The following TLL1 variants were observed in gnomAD, a reference collection of about 807,000 sequenced individuals.
TLL1 encodes the protein tolloid like 1.
TLL1 carries 49 observed loss-of-function variants against 128.2 expected under a neutral mutation model. The observed-to-expected ratio is 0.38, with a 90% CI of 0.30 to 0.48. The LOEUF (loss-of-function observed/expected upper bound fraction) is 0.48, where lower values mean the gene tolerates loss of function less well. TLL1 is among the 20% of genes least tolerant of loss of function. The pLI, the probability that TLL1 is intolerant of heterozygous loss-of-function variation, is 0.96. For missense variants in TLL1, 1,123 were observed against 1,242.0 expected (o/e 0.90, Z 1.44); for synonymous variants, 454 against 418.8 (o/e 1.08, Z -1.03).
At chr4:165,999,718 C>A (rs1368473907) in intron 5 of TLL1, among the ~76,000 whole-genome samples, 3 of 151,876 alleles carry the variant, frequency 2.0e-5, no homozygotes, top group African/African-American at 4.8e-5. Context: ...AAGTGATCCA[C>A]CTGCCTCAGC....
chr4:166,030,820 A>G, intron 9 of TLL1: 1 of 1,027,704 alleles, frequency 9.7e-7, no homozygotes, highest in Non-Finnish European at 1.2e-6. Context: ...CTTACATTAT[A>G]GATTATTTTT....
intron 1 of TLL1, among the ~76,000 whole-genome samples, chr4:165,959,928 G>A (rs1363008003): frequency 1.3e-5 from 2 of 151,962 alleles, no homozygotes; most frequent in Middle Eastern, 3.4e-3. Context: ...CACACCAAAG[G>A]AACTAAAGAA....
At chr4:166,029,549 AT>A (rs1738660286) in intron 9 of TLL1, among the ~76,000 whole-genome samples, 1 of 152,050 alleles carries the variant, frequency 6.6e-6, no homozygotes, top group Admixed American at 6.6e-5. Context: ...CATCTTAACC[AT>A]TTTTAGGTGT....
rs540555825 is a variant in TLL1 at position 165,907,794 on chromosome 4, C to T, written c.169+33721C>T. Among the ~76,000 whole-genome samples, 8 of 152,256 alleles carry T rather than the reference C, an allele frequency of 5.3e-5. No individual in the cohort carries two copies. The South Asian group carries it at 1.2e-3, about 24-fold the overall frequency. On this transcript the variant is annotated intron_variant, in intron 1 of 20. Transcript: ENST00000061240. ...AACTCCTGACCTCAAGTGATCCACC[C>T]GCCTTGGCCTCCCAAAGTGCTGGGA... is the stretch of plus-strand genomic sequence containing the variant.
At chr4:165,986,481 G>T (rs1174879661) in intron 1 of TLL1, among the ~76,000 whole-genome samples, 1 of 151,954 alleles carries the variant, frequency 6.6e-6, no homozygotes, top group Admixed American at 6.6e-5. Flanking sequence ...GGGCTACAGT[G>T]TGTCAAGTCT....
At chr4:165,911,961 T>C (rs1732552589) in intron 1 of TLL1, among the ~76,000 whole-genome samples, 2 of 152,202 alleles carry the variant, frequency 1.3e-5, no homozygotes. Context: ...CTGCAAGCTC[T>C]GCCTCCCGGG....
chr4:165,892,873 GT>G (rs1468130947), intron 1 of TLL1, among the ~76,000 whole-genome samples: 4 of 151,970 alleles, frequency 2.6e-5, no homozygotes, highest in South Asian at 2.1e-4. Context: ...TGGTTACAGA[GT>G]TTTTTTTCTG....
At chr4:165,935,683 G>A (rs545195769) in intron 1 of TLL1, among the ~76,000 whole-genome samples, 1 of 152,246 alleles carries the variant, frequency 6.6e-6, no homozygotes, top group South Asian at 2.1e-4. Flanking sequence ...CTTTATGGAT[G>A]TATCAGCTAA....
Position 165,933,698 on chromosome 4 carries a change from A to C in TLL1, c.170-55683A>C, listed in dbSNP as rs540338750. Among the ~76,000 whole-genome samples the C allele has an allele frequency of 4.5e-4, 69 of 152,232 alleles. 1 individual carries two copies. The highest frequency in any genetic ancestry group is 1.6e-3 in the African/African-American group (67 of 41,540). On this transcript the variant is annotated intron_variant, in intron 1 of 20. Coordinates refer to ENST00000061240, the MANE Select transcript of TLL1 (RefSeq NM_012464.5). Reference sequence around the variant, plus strand: ...TGGATGGCTTCTTACCTAGAATAGCAGCCCTGTCTTTTTATTCTGACAGGA... The same window carrying C: ...TGGATGGCTTCTTACCTAGAATAGCCGCCCTGTCTTTTTATTCTGACAGGA...
At chr4:165,988,650 T>A (rs1736495356) in intron 1 of TLL1, among the ~76,000 whole-genome samples, 1 of 151,672 alleles carries the variant, frequency 6.6e-6, no homozygotes, top group Non-Finnish European at 1.5e-5. Flanking sequence ...ATAAAAATAA[T>A]AATAATAGAG....
At chr4:166,057,131 A>G in intron 13 of TLL1, 53 bp from the exon 14 acceptor site, 1 of 1,607,368 alleles carries the variant, frequency 6.2e-7, no homozygotes, top group African/African-American at 1.3e-5. Context: ...CATTTCACAT[A>G]CATACACACA....
At chr4:166,048,236 C>CG (rs1553964607) in intron 12 of TLL1, among the ~76,000 whole-genome samples, 2 of 105,056 alleles carry the variant, frequency 1.9e-5, no homozygotes, top group Non-Finnish European at 3.6e-5. Flanking sequence ...AATTCCGTCT[C>CG]GGAAAAAAAA....
Position 166,037,203 on chromosome 4 carries a change from CAAAGTT to C in TLL1, c.1159-2131_1159-2126del, listed in dbSNP as rs138298064. ...ATGTGGAGCAGACTTAAAGTAAACA[CAAAGTT>C]AAAGGGAAAAACCAGGTATTATTTC... On this transcript the variant is annotated intron_variant, in intron 9 of 20. Coordinates refer to ENST00000061240, the MANE Select transcript of TLL1 (RefSeq NM_012464.5). Among the ~76,000 whole-genome samples the C allele has an allele frequency of 1.1e-3, 169 of 152,158 alleles. 2 individuals are homozygous for C. The highest frequency in any genetic ancestry group is 4.0e-3 in the African/African-American group (164 of 41,512).
At chr4:166,076,236 C>T (rs757407990) in intron 17 of TLL1, among the ~76,000 whole-genome samples, 5 of 152,034 alleles carry the variant, frequency 3.3e-5, no homozygotes, top group Non-Finnish European at 5.9e-5. Context: ...CCATGCCTGG[C>T]TAATTTCTGT....
At chr4:165,926,204 G>C (rs1396030538) in intron 1 of TLL1, among the ~76,000 whole-genome samples, 1 of 152,140 alleles carries the variant, frequency 6.6e-6, no homozygotes, top group Non-Finnish European at 1.5e-5. Flanking sequence ...GAAATTTCAG[G>C]AAGTATATAT....
At chr4:165,988,946 T>C (rs1218402449) in intron 1 of TLL1, among the ~76,000 whole-genome samples, 1 of 152,144 alleles carries the variant, frequency 6.6e-6, no homozygotes, top group African/African-American at 2.4e-5. Context: ...TAAAATTATC[T>C]TAGTTTATAA....
At chr4:166,075,092 C>A in intron 17 of TLL1, 89 bp downstream of exon 17, 1 of 1,557,466 alleles carries the variant, frequency 6.4e-7, no homozygotes, top group Non-Finnish European at 8.8e-7. Flanking sequence ...TTAATCATTT[C>A]AATGAGTGAT....
intron 1 of TLL1, among the ~76,000 whole-genome samples, chr4:165,891,949 C>G (rs1300320889): frequency 6.6e-6 from 1 of 152,164 alleles, no homozygotes; most frequent in African/African-American, 2.4e-5. Flanking sequence ...GAAAGACAAA[C>G]CTGAGACTGG....
chr4:166,004,149 T>A (rs1737301328), intron 6 of TLL1, among the ~76,000 whole-genome samples: 1 of 152,136 alleles, frequency 6.6e-6, no homozygotes, highest in South Asian at 2.1e-4. Context: ...ACTTAAAACC[T>A]ATTTTTCTCT....
Sources: allele counts gnomAD v4.1 joint callset (sites outside exome capture counted in the v4.1 genomes callset), GRCh38; gene constraint gnomAD v4.1.1; transcripts MANE v1.5; gene names NCBI Gene and HGNC (gene_info 2026-07-23, HGNC 2026-07-21).